TANC1: variants seen among roughly 807,000 people sequenced by gnomAD.
TANC1 encodes the protein protein TANC1.
Under a neutral mutation model 149.7 loss-of-function variants are expected in TANC1, and 77 were observed. The ratio of observed to expected loss-of-function variants is 0.51; its 90% CI spans 0.43 to 0.62. The LOEUF is 0.62. TANC1 is among the 20% of genes least tolerant of loss of function. The pLI is 0.00. For synonymous variants in TANC1, 854 were observed against 925.0 expected (o/e 0.92, Z 1.39); for missense variants, 1,985 against 2,321.8 (o/e 0.85, Z 2.98).
At chr2:159,066,311 G>A (rs897656714) in intron 3 of TANC1, among the ~76,000 whole-genome samples, 1 of 152,134 alleles carries the variant, frequency 6.6e-6, no homozygotes, top group African/African-American at 2.4e-5. Flanking sequence ...CTACTTGGGA[G>A]GCTCTGGCAG....
chr2:159,136,045 T>TGTGTGTGTGTGA, intron 4 of TANC1, 149 bp from the exon 5 acceptor site: 1 of 107,796 alleles, frequency 9.3e-6, no homozygotes, highest in Non-Finnish European at 2.0e-5. Flanking sequence ...TGTGTGTGTG[T>TGTGTGTGTGTGA]GTGTGCGCGC....
intron 16 of TANC1, among the ~76,000 whole-genome samples, chr2:159,190,786 A>G (rs971319682): frequency 2.6e-5 from 4 of 152,206 alleles, no homozygotes; most frequent in African/African-American, 9.6e-5. Flanking sequence ...TCCTGACCTC[A>G]GGTGATCCAC....
intron 3 of TANC1, among the ~76,000 whole-genome samples, chr2:159,069,979 G>T (rs1394486197): frequency 6.6e-6 from 1 of 151,514 alleles, no homozygotes; most frequent in South Asian, 2.1e-4. Context: ...TGGGGTTTCC[G>T]CCATGTTGCC....
intron 4 of TANC1, among the ~76,000 whole-genome samples, chr2:159,117,720 TTTTTTTTTTTTA>T: frequency 8.1e-6 from 1 of 123,220 alleles, no homozygotes. Flanking sequence ...TTTTTTTTTT[TTTTTTTTTTTTA>T]AAGCTTATTC....
chr2:159,226,926 T>C (rs1174963307), intron 24 of TANC1: 1 of 152,214 alleles, frequency 6.6e-6, no homozygotes, highest in African/African-American at 2.4e-5. Flanking sequence ...CTGGTTTAGA[T>C]AGATATGCAG....
chr2:159,047,191 C>CA (rs143093979), intron 2 of TANC1, among the ~76,000 whole-genome samples: 4 of 149,472 alleles, frequency 2.7e-5, no homozygotes, highest in Non-Finnish European at 4.5e-5. Context: ...ACTCATTTCC[C>CA]CCCCCCAGTT....
chr2:159,107,772 T>C (rs1008551781), intron 4 of TANC1, among the ~76,000 whole-genome samples: 2 of 152,210 alleles, frequency 1.3e-5, no homozygotes, highest in African/African-American at 4.8e-5. Context: ...TGGTCCAGCC[T>C]TTCTCTGTGC....
intron 3 of TANC1, among the ~76,000 whole-genome samples, chr2:159,091,912 A>G (rs2045581564): frequency 6.6e-6 from 1 of 151,454 alleles, no homozygotes; most frequent in African/African-American, 2.4e-5. Flanking sequence ...GAAGGGTCCA[A>G]AAATGATACT....
chr2:159,086,906 ATTTTT>A (rs950247326), intron 3 of TANC1, among the ~76,000 whole-genome samples: 2 of 136,280 alleles, frequency 1.5e-5, no homozygotes, highest in African/African-American at 5.5e-5. Flanking sequence ...TGGTAAACTG[ATTTTT>A]TTTTTTTAAT....
chr2:159,103,430 G>A (rs2046919116), intron 4 of TANC1, among the ~76,000 whole-genome samples: 1 of 96,612 alleles, frequency 1.0e-5, no homozygotes, highest in Admixed American at 1.1e-4. Flanking sequence ...AATGGATGGT[G>A]CTTTGTGCGG....
At chr2:159,111,722 G>A (rs1031084343) in intron 4 of TANC1, among the ~76,000 whole-genome samples, 1 of 152,150 alleles carries the variant, frequency 6.6e-6, no homozygotes, top group African/African-American at 2.4e-5. Context: ...TGCACACAAT[G>A]GAATGCAAGT....
At chr2:159,038,880 G>A (rs970921680) in intron 2 of TANC1, among the ~76,000 whole-genome samples, 1 of 152,184 alleles carries the variant, frequency 6.6e-6, no homozygotes, top group Non-Finnish European at 1.5e-5. Flanking sequence ...AGTTAGGGAA[G>A]ATTCCCTCTT....
intron 16 of TANC1, among the ~76,000 whole-genome samples, chr2:159,194,006 G>A (rs950917126): frequency 1.3e-5 from 2 of 152,062 alleles, no homozygotes; most frequent in Admixed American, 6.5e-5. Context: ...TTACAGTCAC[G>A]TGCCTGGGGC....
intron 1 of TANC1, among the ~76,000 whole-genome samples, chr2:158,977,181 C>A (rs1012361787): frequency 6.6e-6 from 1 of 151,592 alleles, no homozygotes; most frequent in Non-Finnish European, 1.5e-5. Flanking sequence ...GCTCTGTTGC[C>A]CAAGCTGGAG....
intron 11 of TANC1, among the ~76,000 whole-genome samples, chr2:159,172,589 G>A (rs1354644058): frequency 1.3e-5 from 2 of 152,208 alleles, no homozygotes; most frequent in Admixed American, 1.3e-4. Flanking sequence ...TGGTATGTGA[G>A]CAGGAAATTG....
chr2:159,177,417 T>C (rs1430521263), intron 13 of TANC1, among the ~76,000 whole-genome samples: 1 of 152,212 alleles, frequency 6.6e-6, no homozygotes, highest in African/African-American at 2.4e-5. Flanking sequence ...TAGGTTTTGA[T>C]TTTTGCCCTT....
chr2:159,028,340 C>T lies in TANC1; in HGVS notation c.-16+27151C>T, dbSNP rs188296044. Among the ~76,000 whole-genome samples the T allele has an allele frequency of 4.6e-3, 694 of 152,192 alleles. 6 individuals are homozygous for T. Among genetic ancestry groups the T allele is most frequent in the African/African-American group, 0.016 (648 of 41,532 alleles). On this transcript the variant is annotated intron_variant, in intron 2 of 26. Coordinates refer to ENST00000263635, the MANE Select transcript of TANC1 (RefSeq NM_033394.3). ...TTCACCATGTTGGCCAAGCTGGTCTCGAACTTCTGACCTCAAGTGATTTGC... is the reference window on the plus strand; with the variant it reads ...TTCACCATGTTGGCCAAGCTGGTCTTGAACTTCTGACCTCAAGTGATTTGC...
rs2057887255 is a variant in TANC1, at chr2:159,196,800, G to A, written c.3165+7G>A. The A allele has an allele frequency of 6.2e-7, 1 of 1,601,964 alleles. No homozygotes were observed. Among genetic ancestry groups the A allele is most frequent in the African/African-American group, 1.3e-5 (1 of 74,596 alleles). ...CAGCATGGGCCACAGCTCGGTGAGTGGGGCAGGGGTTTCCCTCCTGGGAAA... is the reference window on the plus strand; with the variant it reads ...CAGCATGGGCCACAGCTCGGTGAGTAGGGCAGGGGTTTCCCTCCTGGGAAA... On this transcript the variant is annotated splice_region_variant and intron_variant, in intron 18 of 26. Coordinates refer to ENST00000263635, the MANE Select transcript of TANC1 (RefSeq NM_033394.3).
intron 16 of TANC1, among the ~76,000 whole-genome samples, chr2:159,191,458 A>C (rs1020611583): frequency 8.5e-5 from 13 of 152,148 alleles, no homozygotes; most frequent in African/African-American, 2.9e-4. Context: ...TGGAATGAGC[A>C]TTCCAGTCAG....
Sources: allele counts gnomAD v4.1 joint callset (sites outside exome capture counted in the v4.1 genomes callset), GRCh38; gene constraint gnomAD v4.1.1; transcripts MANE v1.5; gene names NCBI Gene and HGNC (gene_info 2026-07-23, HGNC 2026-07-21).